Variants in TGFBR3 observed in about 807,000 individuals in gnomAD.
TGFBR3 encodes transforming growth factor beta receptor type 3.
TGFBR3 carries 46 observed loss-of-function variants against 87.9 expected under a neutral mutation model. The ratio of observed to expected loss-of-function variants is 0.52; its 90% CI spans 0.41 to 0.67. TGFBR3 has a LOEUF of 0.67. TGFBR3 is among the 30% of genes least tolerant of loss of function. The pLI is 0.00. For missense variants in TGFBR3, 866 were observed against 1,041.9 expected (o/e 0.83, Z 2.32); for synonymous variants, 381 against 391.6 (o/e 0.97, Z 0.32).
intron 2 of TGFBR3, among the ~76,000 whole-genome samples, chr1:91,820,717 G>A (rs1676418196): frequency 6.6e-6 from 1 of 152,094 alleles, no homozygotes; most frequent in Non-Finnish European, 1.5e-5. Flanking sequence ...TCATCAAAAA[G>A]GGTGTATCTA....
At chr1:91,855,598 T>A (rs536175780) in intron 2 of TGFBR3, among the ~76,000 whole-genome samples, 1 of 152,314 alleles carries the variant, frequency 6.6e-6, no homozygotes, top group East Asian at 1.9e-4. Flanking sequence ...CCATTTTTTG[T>A]ATTAAAAAGA....
chr1:91,729,735 T>A (rs772910645), intron 6 of TGFBR3, 70 bp downstream of exon 6: 5 of 1,589,100 alleles, frequency 3.1e-6, no homozygotes, highest in Non-Finnish European at 4.3e-6. Flanking sequence ...GCTACACCTC[T>A]CCCTGCCTCA....
intron 1 of TGFBR3, among the ~76,000 whole-genome samples, chr1:91,878,108 C>T (rs989197301): frequency 1.3e-5 from 2 of 152,116 alleles, no homozygotes; most frequent in Non-Finnish European, 2.9e-5. Context: ...AAATGAGATA[C>T]TTATTCTTTA....
chr1:91,875,509 A>T (rs1040377551), intron 1 of TGFBR3, among the ~76,000 whole-genome samples: 1 of 152,134 alleles, frequency 6.6e-6, no homozygotes, highest in Non-Finnish European at 1.5e-5. Flanking sequence ...TGAAAAGACA[A>T]GAAAAAGAAA....
At chr1:91,857,717 T>C (rs1678015443) in intron 2 of TGFBR3, among the ~76,000 whole-genome samples, 1 of 152,124 alleles carries the variant, frequency 6.6e-6, no homozygotes, top group Non-Finnish European at 1.5e-5. Flanking sequence ...GGTGGGAGGA[T>C]CACTTGAGGT....
chr1:91,896,563 G>T (rs1250363056), intron 2 of TGFBR3, among the ~76,000 whole-genome samples: 1 of 152,138 alleles, frequency 6.6e-6, no homozygotes, highest in African/African-American at 2.4e-5. Context: ...TGAGGAAGGG[G>T]TTTCCATAGT....
Position 91,680,889 on chromosome 1 carries a change from T to C in TGFBR3, c.*2850A>G. ...CATTTTTTTTGTTTAGAAAATGCTA[T>C]AGAAACAGTTTAGACAGAAGAAATC... is the stretch of plus-strand genomic sequence containing the variant. On this transcript the variant is annotated 3_prime_UTR_variant, in exon 17 of 17. Transcript: ENST00000212355. 2.2e-6 allele frequency: 1 copy of C among 452,158 alleles called. No individual in the cohort carries two copies. The highest frequency in any genetic ancestry group is 4.4e-6 in the Non-Finnish European group (1 of 225,832). 28.0% of individuals were successfully genotyped at this position (452,158 alleles called of 1,614,324 possible).
At chr1:91,699,261 C>A (rs1431153459) in intron 14 of TGFBR3, among the ~76,000 whole-genome samples, 1 of 152,072 alleles carries the variant, frequency 6.6e-6, no homozygotes, top group Non-Finnish European at 1.5e-5. Flanking sequence ...CCCTCCTCCC[C>A]AGACCTGCTT....
chr1:91,894,810 G>T (rs141952974), intron 2 of TGFBR3, among the ~76,000 whole-genome samples: 1 of 152,152 alleles, frequency 6.6e-6, no homozygotes, highest in Non-Finnish European at 1.5e-5. Flanking sequence ...TCGTTCTGTC[G>T]CCCAGGCTGG....
At chr1:91,695,598 A>G (rs765969781) in intron 16 of TGFBR3, 74 bp downstream of exon 16, 6 of 1,182,480 alleles carry the variant, frequency 5.1e-6, no homozygotes, top group South Asian at 1.2e-5. Flanking sequence ...ATTTCATCCA[A>G]CAAAACACTG....
intron 4 of TGFBR3, among the ~76,000 whole-genome samples, chr1:91,753,807 T>G (rs12038005): frequency 1.9e-3 from 283 of 152,164 alleles, no homozygotes; most frequent in Non-Finnish European, 3.0e-3. Context: ...ATGGCTAATA[T>G]TCCATTATAT....
intron 16 of TGFBR3, 45 bp from the exon 17 acceptor site, chr1:91,683,902 TATGTATG>T: frequency 6.7e-7 from 1 of 1,482,778 alleles, no homozygotes; most frequent in Middle Eastern, 1.7e-4. Context: ...AGACGCATAT[TATGTATG>T]TGCATTCCTG....
At chr1:91,901,387 T>C (rs564247413) in intron 1 of TGFBR3, among the ~76,000 whole-genome samples, 2 of 152,284 alleles carry the variant, frequency 1.3e-5, no homozygotes, top group East Asian at 3.9e-4. Context: ...ATGCAATGAA[T>C]GGAAACTACA....
chr1:91,735,641 GGATGAC>G (rs1175580464), intron 4 of TGFBR3, among the ~76,000 whole-genome samples: 25 of 152,170 alleles, frequency 1.6e-4, no homozygotes, highest in African/African-American at 6.0e-4. Context: ...AAAACTTTCA[GGATGAC>G]GTATGCAAGT....
At chr1:91,887,501 AG>A (rs1557764341), upstream of TGFBR3, among the ~76,000 whole-genome samples, 1 of 152,014 alleles carries the variant, frequency 6.6e-6, no homozygotes, top group Non-Finnish European at 1.5e-5. Context: ...CCTGAGCTCA[AG>A]AGATTCGCCT....
chr1:91,754,545 C>T (rs1673672397), intron 4 of TGFBR3, among the ~76,000 whole-genome samples: 1 of 152,118 alleles, frequency 6.6e-6, no homozygotes, highest in South Asian at 2.1e-4. Context: ...CCTAGGTAAC[C>T]AGAATAACCA....
In TGFBR3 at chr1:91,875,491, A is replaced by G. The variant is rs17131584; in HGVS notation, c.-114+10387T>C. Among the ~76,000 whole-genome samples, 795 of 152,192 alleles carry G rather than the reference A, an allele frequency of 5.2e-3. 7 individuals are homozygous for G. The highest frequency in any genetic ancestry group is 0.017 in the African/African-American group (718 of 41,532). ...GAAGCACAGAAATATGAGCAACTCA[A>G]TGTAGACTGAAAAGACAAGAAAAAG... is the stretch of plus-strand genomic sequence containing the variant. On this transcript the variant is annotated intron_variant, in intron 1 of 16. Transcript: ENST00000212355.
rs140565575 is a variant in TGFBR3, at chr1:91,774,388, G to A, written c.247-15638C>T. On this transcript the variant is annotated intron_variant, in intron 3 of 16. Coordinates refer to ENST00000212355, the MANE Select transcript of TGFBR3 (RefSeq NM_003243.5). ...TGGCCTCAAGTGATCCACCCACCTC[G>A]GCCTCCCAAAGTGCTAGGATTATAG... Among the ~76,000 whole-genome samples, 163 of 152,128 alleles carry A rather than the reference G, an allele frequency of 1.1e-3. 1 individual carries two copies. Among genetic ancestry groups the A allele is most frequent in the African/African-American group, 3.8e-3 (156 of 41,512 alleles).
chr1:91,868,718 T>A (rs1678474710), intron 1 of TGFBR3, among the ~76,000 whole-genome samples: 1 of 152,176 alleles, frequency 6.6e-6, no homozygotes, highest in Non-Finnish European at 1.5e-5. Flanking sequence ...CATATCAGAA[T>A]ATTCTCAGGA....
Sources: allele counts gnomAD v4.1 joint callset (sites outside exome capture counted in the v4.1 genomes callset), GRCh38; gene constraint gnomAD v4.1.1; transcripts MANE v1.5; gene names NCBI Gene and HGNC (gene_info 2026-07-23, HGNC 2026-07-21).